Variants in ZFHX3 observed in about 807,000 individuals in gnomAD.
ZFHX3 encodes the protein zinc finger homeobox 3, also known as zinc finger homeobox protein 3.
A neutral mutation model predicts 279.1 loss-of-function variants in ZFHX3; 42 were observed. That is an observed-to-expected ratio of 0.15 (90% CI 0.12 to 0.19). The LOEUF is 0.19. ZFHX3 is among the 10% of genes least tolerant of loss of function. ZFHX3 has a pLI of 1.00. For missense variants in ZFHX3, 4,981 were observed against 4,754.0 expected (o/e 1.05, Z -1.40); for synonymous variants, 2,293 against 1,957.8 (o/e 1.17, Z -4.52).
intron 1 of ZFHX3, among the ~76,000 whole-genome samples, chr16:73,888,202 T>A (rs927417123): frequency 6.6e-6 from 1 of 152,180 alleles, no homozygotes; most frequent in Non-Finnish European, 1.5e-5. Flanking sequence ...AAAACTAGGT[T>A]AGAAGTTGAG....
At chr16:72,936,822 C>T (rs77660823) in intron 3 of ZFHX3, among the ~76,000 whole-genome samples, 56 of 151,732 alleles carry the variant, frequency 3.7e-4, no homozygotes, top group Non-Finnish European at 7.2e-4. Context: ...TTTTCCTCTT[C>T]GTAAAATCCC....
intron 3 of ZFHX3, among the ~76,000 whole-genome samples, chr16:73,445,264 ATGTATG>A (rs2018164340): frequency 7.1e-6 from 1 of 140,218 alleles, no homozygotes; most frequent in Non-Finnish European, 1.6e-5. Context: ...ATGTGTGTAT[ATGTATG>A]TATATATGTG....
At chr16:73,454,529 A>G (rs981377364) in intron 3 of ZFHX3, among the ~76,000 whole-genome samples, 4 of 151,410 alleles carry the variant, frequency 2.6e-5, no homozygotes, top group Admixed American at 2.0e-4. Flanking sequence ...TAGGTTAGTT[A>G]GCAAAAATGA....
intron 4 of ZFHX3, among the ~76,000 whole-genome samples, chr16:72,880,578 A>G (rs11640709): frequency 0.85 from 129,826 of 152,088 alleles, 57,553 homozygotes; most frequent in Non-Finnish European, 0.99. Context: ...GTTTCAGCCA[A>G]CCAATGGAAA....
intron 3 of ZFHX3, among the ~76,000 whole-genome samples, chr16:72,931,566 T>A (rs1429577475): frequency 1.3e-4 from 17 of 131,144 alleles, no homozygotes; most frequent in African/African-American, 3.4e-4. Context: ...ATGCACCATT[T>A]AAAAAAAAAA....
At chr16:72,948,188 A>G (rs1366474675) in intron 3 of ZFHX3, among the ~76,000 whole-genome samples, 5 of 152,166 alleles carry the variant, frequency 3.3e-5, no homozygotes, top group Admixed American at 1.3e-4. Flanking sequence ...AGGACTAATG[A>G]GACTAGACTA....
intron 4 of ZFHX3, among the ~76,000 whole-genome samples, chr16:73,286,838 G>A (rs1310691657): frequency 7.2e-6 from 1 of 139,058 alleles, no homozygotes; most frequent in African/African-American, 2.7e-5. Context: ...TGTGTGGCTG[G>A]TGAGTCGGTG....
intron 3 of ZFHX3, among the ~76,000 whole-genome samples, chr16:73,432,654 A>G (rs908306494): frequency 2.0e-5 from 3 of 152,224 alleles, no homozygotes; most frequent in African/African-American, 7.2e-5. Context: ...GGATCAAGGT[A>G]TAAGTAGAAG....
chr16:73,687,080 C>A (rs1250447470), intron 1 of ZFHX3, among the ~76,000 whole-genome samples: 3 of 107,790 alleles, frequency 2.8e-5, no homozygotes, highest in African/African-American at 7.1e-5. Flanking sequence ...AGCTTTAAGT[C>A]TTATTTTTTA....
chr16:73,386,875 C>G (rs916063429), intron 3 of ZFHX3: 17 of 152,146 alleles, frequency 1.1e-4, no homozygotes. Context: ...CCTGCCACAT[C>G]GGATTTCCTT....
intron 2 of ZFHX3, among the ~76,000 whole-genome samples, chr16:73,644,875 T>G (rs1253972571): frequency 6.6e-6 from 1 of 152,010 alleles, no homozygotes; most frequent in Admixed American, 6.6e-5. Context: ...GACTTCCCCC[T>G]CAAAGCCACA....
chr16:73,665,515 G>A (rs2052828367), intron 2 of ZFHX3, among the ~76,000 whole-genome samples: 2 of 151,642 alleles, frequency 1.3e-5, no homozygotes, highest in Admixed American at 6.6e-5. Flanking sequence ...TGCCTGGCCT[G>A]ACCATTGTAC....
At chr16:73,356,838 CTTT>C (rs779785366) in intron 3 of ZFHX3, among the ~76,000 whole-genome samples, 1 of 141,276 alleles carries the variant, frequency 7.1e-6, no homozygotes, top group Non-Finnish European at 1.5e-5. Flanking sequence ...CACCTGAGGG[CTTT>C]TTTTTTTTTT....
chr16:73,755,903 C>T (rs1304686230), intron 1 of ZFHX3, among the ~76,000 whole-genome samples: 2 of 152,220 alleles, frequency 1.3e-5, no homozygotes, highest in African/African-American at 2.4e-5. Flanking sequence ...ATCAGCGAGG[C>T]ACTCGCCCCT....
intron 3 of ZFHX3, among the ~76,000 whole-genome samples, chr16:72,914,323 T>A (rs9923193): frequency 0.1 from 15,309 of 152,204 alleles, 1,005 homozygotes; most frequent in African/African-American, 0.18. Flanking sequence ...TTAGCTTGGC[T>A]AAGGACCTCC....
chr16:73,439,788 G>C (rs1410042036), intron 3 of ZFHX3, among the ~76,000 whole-genome samples: 2 of 151,620 alleles, frequency 1.3e-5, no homozygotes, highest in Non-Finnish European at 2.9e-5. Context: ...AGTTTGAGGG[G>C]CTCAGAGGTG....
At chr16:73,116,971 G>T (rs1966439715) in intron 7 of ZFHX3, among the ~76,000 whole-genome samples, 1 of 152,134 alleles carries the variant, frequency 6.6e-6, no homozygotes, top group Admixed American at 6.5e-5. Context: ...TGAAGTGTCT[G>T]GGAACAGTCT....
intron 1 of ZFHX3, among the ~76,000 whole-genome samples, chr16:73,840,437 A>G (rs892598584): frequency 6.6e-6 from 1 of 152,236 alleles, no homozygotes; most frequent in African/African-American, 2.4e-5. Context: ...CTGGATGTTC[A>G]TTCCAACCTA....
chr16:72,811,343 G>C (rs1276454320), intron 7 of ZFHX3, among the ~76,000 whole-genome samples: 2 of 152,174 alleles, frequency 1.3e-5, no homozygotes, highest in African/African-American at 4.8e-5. Flanking sequence ...TGTCCCCTGA[G>C]GGCAGAGAGG....
Sources: gnomAD v4.1 joint callset for allele counts (sites outside exome capture counted in the v4.1 genomes callset) on GRCh38, gnomAD v4.1.1 for gene constraint, MANE v1.5 for transcripts, NCBI Gene and HGNC (gene_info 2026-07-23, HGNC 2026-07-21) for gene names.